The following CDK8 variants were observed in gnomAD, a reference collection of about 807,000 sequenced individuals.
The protein encoded by CDK8 is cyclin dependent kinase 8.
A neutral mutation model predicts 71.5 loss-of-function variants in CDK8; 29 were observed. The observed-to-expected ratio is 0.41, with a 90% confidence interval of 0.30 to 0.55. CDK8 has a LOEUF of 0.55. Ranked by LOEUF, CDK8 falls within the 20% of genes least tolerant of loss-of-function variation. The probability of loss-of-function intolerance (pLI) is 0.37; values close to 1 mark genes in which losing one functional copy is unlikely to be tolerated. For missense variants in CDK8, 288 were observed against 572.6 expected, an observed-to-expected ratio of 0.50 and a Z score of 5.07; for synonymous variants, 161 against 192.1, an observed-to-expected ratio of 0.84 and a Z score of 1.34.
chr13:26,371,638 C>T (rs944718484), intron 4 of CDK8, among the ~76,000 whole-genome samples: 24 of 151,836 alleles, frequency 1.6e-4, no homozygotes, highest in African/African-American at 2.2e-4. Flanking sequence ...TTTTTGGAGA[C>T]GGAGTCTCCC....
intron 6 of CDK8, 62 bp from the exon 7 acceptor site, chr13:26,393,305 C>T: frequency 1.8e-6 from 2 of 1,126,204 alleles, no homozygotes; most frequent in African/African-American, 1.6e-5. Flanking sequence ...TATTTTGCAC[C>T]TTTCTTTTTC....
At chr13:26,312,610 C>T (rs994003848) in intron 1 of CDK8, among the ~76,000 whole-genome samples, 1 of 152,114 alleles carries the variant, frequency 6.6e-6, no homozygotes, top group African/African-American at 2.4e-5. Flanking sequence ...TCTGAAGGAA[C>T]AAACTCCAGA....
At chr13:26,403,672 C>A (rs560501243) in intron 12 of CDK8, among the ~76,000 whole-genome samples, 1 of 152,034 alleles carries the variant, frequency 6.6e-6, no homozygotes, top group Admixed American at 6.6e-5. Flanking sequence ...CAAGTAGATA[C>A]AAAACAGCAT....
intron 1 of CDK8, among the ~76,000 whole-genome samples, chr13:26,258,804 T>G (rs1430054595): frequency 6.6e-6 from 1 of 152,198 alleles, no homozygotes; most frequent in Non-Finnish European, 1.5e-5. Context: ...TAGATGATGG[T>G]GCATTTCCAT....
At chr13:26,340,863 G>A (rs1873210828) in intron 2 of CDK8, among the ~76,000 whole-genome samples, 1 of 152,158 alleles carries the variant, frequency 6.6e-6, no homozygotes, top group Admixed American at 6.6e-5. Context: ...GTGTAGAAGG[G>A]AGGGAGGGAG....
intron 1 of CDK8, among the ~76,000 whole-genome samples, chr13:26,325,037 C>T (rs1332404116): frequency 6.6e-6 from 1 of 152,088 alleles, no homozygotes; most frequent in African/African-American, 2.4e-5. Context: ...GTATTCATTG[C>T]TAGGTTTACA....
chr13:26,260,520 T>G (rs764759796), intron 1 of CDK8, among the ~76,000 whole-genome samples: 1 of 152,124 alleles, frequency 6.6e-6, no homozygotes, highest in Non-Finnish European at 1.5e-5. Flanking sequence ...GAGTCAGAAT[T>G]TCATATGCTG....
chr13:26,276,592 A>G (rs1872572632), intron 1 of CDK8, among the ~76,000 whole-genome samples: 1 of 152,174 alleles, frequency 6.6e-6, no homozygotes, highest in South Asian at 2.1e-4. Context: ...TTGTTCATTC[A>G]TTTATGATTA....
Position 26,372,006 on chromosome 13 carries a change from G to A in CDK8, c.457-10808G>A, listed in dbSNP as rs113036558. Among the ~76,000 whole-genome samples, 880 of 152,178 alleles carry A rather than the reference G, an allele frequency of 5.8e-3. 10 individuals are homozygous for A. The highest frequency in any genetic ancestry group is 0.02 in the African/African-American group (833 of 41,502). Reference sequence around the variant, plus strand: ...TAGATTACAGCCATGTAATTTAATAGGTTACGTGGCATTTAGGGATATATA... The same window carrying A: ...TAGATTACAGCCATGTAATTTAATAAGTTACGTGGCATTTAGGGATATATA... On this transcript the variant is annotated intron_variant, in intron 4 of 12. Coordinates refer to ENST00000381527, the MANE Select transcript of CDK8 (RefSeq NM_001260.3).
chr13:26,312,218 C>T (rs1325412704), intron 1 of CDK8, among the ~76,000 whole-genome samples: 2 of 152,154 alleles, frequency 1.3e-5, no homozygotes, highest in African/African-American at 4.8e-5. Flanking sequence ...CCAATCAGCA[C>T]CCTGTAAAAT....
At chr13:26,361,166 C>G (rs1397476343) in intron 4 of CDK8, among the ~76,000 whole-genome samples, 1 of 152,136 alleles carries the variant, frequency 6.6e-6, no homozygotes, top group Admixed American at 6.5e-5. Flanking sequence ...ACATCCCTCA[C>G]TTTATTCAAA....
chr13:26,383,908 C>G (rs1593303465), intron 5 of CDK8, among the ~76,000 whole-genome samples: 1 of 152,196 alleles, frequency 6.6e-6, no homozygotes, highest in East Asian at 1.9e-4. Flanking sequence ...CTAGTGCCTT[C>G]CAAAATGCCT....
Position 26,401,226 on chromosome 13 carries a change from T to G in CDK8, c.1032-43T>G. ...CTCCTAAATGAAGCATTTGGAATAT[T>G]GATTAGTATACCAGAAATGGTTTTT... On this transcript the variant is annotated intron_variant, in intron 10 of 12. Transcript: ENST00000381527. The surrounding 1 kb of genome is among the most constrained non-coding windows in gnomAD (Gnocchi z 4.5). The G allele has an allele frequency of 1.4e-6, 2 of 1,396,692 alleles. No homozygotes were observed. Among genetic ancestry groups the G allele is most frequent in the Non-Finnish European group, 2.0e-6 (2 of 991,930 alleles). The allele number at this position is 1,396,692 out of a possible 1,614,324, so 86.5% of individuals were successfully genotyped here.
chr13:26,337,453 T>C (rs1022787775), intron 1 of CDK8, 114 bp from the exon 2 acceptor site: 9 of 381,752 alleles, frequency 2.4e-5, no homozygotes, highest in African/African-American at 1.1e-4. Flanking sequence ...TATGATTATA[T>C]TGAATAATGT....
chr13:26,278,290 T>C (rs1457933561), intron 1 of CDK8, among the ~76,000 whole-genome samples: 1 of 152,224 alleles, frequency 6.6e-6, no homozygotes, highest in Non-Finnish European at 1.5e-5. Context: ...GAGATGGCTG[T>C]TTTGCCTTTA....
chr13:26,259,064 C>T (rs1370877027), intron 1 of CDK8, among the ~76,000 whole-genome samples: 1 of 152,170 alleles, frequency 6.6e-6, no homozygotes, highest in Non-Finnish European at 1.5e-5. Flanking sequence ...TTACCTTTTT[C>T]CCCTTCTGAA....
chr13:26,308,206 C>T (rs754151043), intron 1 of CDK8, among the ~76,000 whole-genome samples: 3 of 152,214 alleles, frequency 2.0e-5, no homozygotes, highest in African/African-American at 4.8e-5. Context: ...CTCAGTCACA[C>T]GAGCCTTATA....
intron 4 of CDK8, among the ~76,000 whole-genome samples, chr13:26,354,329 A>G (rs1292307840): frequency 4.6e-5 from 7 of 152,230 alleles, no homozygotes; most frequent in Non-Finnish European, 7.3e-5. Context: ...CTGTTGGCCA[A>G]TCACCTTTAT....
rs115936187 is a variant in CDK8 at position 26,278,428 on chromosome 13, C to T, written c.128+23659C>T. ...AGAAAGTAATAGTGCTCTAATCCTC[C>T]GACCACCGTTTCCCTTTCCATCTAG... On this transcript the variant is annotated intron_variant, in intron 1 of 12. Transcript: ENST00000381527. 6.4e-3 allele frequency among the ~76,000 whole-genome samples: 973 copies of T among 152,204 alleles called. 10 individuals are homozygous for T. Among genetic ancestry groups the T allele is most frequent in the African/African-American group, 0.021 (872 of 41,518 alleles).
Sources: allele counts gnomAD v4.1 joint callset (sites outside exome capture counted in the v4.1 genomes callset), GRCh38; gene constraint gnomAD v4.1.1; non-coding constraint Gnocchi (gnomAD v3.1); transcripts MANE v1.5; gene names NCBI Gene and HGNC (gene_info 2026-07-23, HGNC 2026-07-21).